The following FAT1 variants were observed in gnomAD, a reference collection of about 807,000 sequenced individuals.
FAT1 encodes protocadherin Fat 1.
FAT1 carries 171 observed loss-of-function variants against 329.8 expected under a neutral mutation model. That is an observed-to-expected ratio of 0.52 (90% CI 0.46 to 0.59). The LOEUF is 0.59. Among genes scored for constraint, FAT1 ranks in the 20% least tolerant of loss-of-function variants. The pLI is 0.00. For missense variants in FAT1, 5,672 were observed against 5,774.4 expected (o/e 0.98, Z 0.57); for synonymous variants, 2,233 against 2,228.6 (o/e 1.00, Z -0.06).
At chr4:186,636,329 G>T in intron 5 of FAT1, 94 bp from the exon 6 acceptor site, 1 of 1,174,778 alleles carries the variant, frequency 8.5e-7, no homozygotes, top group Non-Finnish European at 1.2e-6. Context: ...CTTAAACTGA[G>T]CCAATTTCAA....
At chr4:186,592,367 A>G (rs532672183) in intron 26 of FAT1, among the ~76,000 whole-genome samples, 17 of 152,340 alleles carry the variant, frequency 1.1e-4, no homozygotes, top group Non-Finnish European at 1.9e-4. Flanking sequence ...TTATTCCTGT[A>G]CATACGAAGA....
Position 186,636,746 on chromosome 4 carries a change from G to A in FAT1, c.3811C>T (p.Leu1271Phe), listed in dbSNP as rs1340060330. 4.3e-6 allele frequency: 7 copies of A among 1,613,788 alleles called. No individual in the cohort carries two copies. Among genetic ancestry groups the A allele is most frequent in the Non-Finnish European group, 5.9e-6 (7 of 1,179,876 alleles). The change falls in exon 5 of 27, where the codon CTC becomes TTC. Residue 1271 changes from leucine to phenylalanine, a missense_variant. Around this residue, in one of 2 missense-constraint regions of FAT1, gnomAD observed 3,966 missense variants for 3,915.2 expected, o/e 1.01. Coordinates refer to ENST00000441802, the MANE Select transcript of FAT1 (RefSeq NM_005245.4). ...DRERNARREP[L>F]YHVIATDKDE... ...TTGTCGGTGGCTATGACGTGATAGAGCGGCTCCCGTCTGGCATTTCTTTCT... is the reference window on the plus strand; with the variant it reads ...TTGTCGGTGGCTATGACGTGATAGAACGGCTCCCGTCTGGCATTTCTTTCT...
rs781077372 is a variant in FAT1, at chr4:186,708,984, C to T, written c.844G>A (p.Asp282Asn). The T allele has an allele frequency of 6.8e-6, 11 of 1,614,000 alleles. No individual in the cohort carries two copies. The highest frequency in any genetic ancestry group is 1.1e-5 in the South Asian group (1 of 91,080). ...AYAIVTVDDC[D>N]QGANGDIASL... ...GCTATGTCACCATTGGCACCCTGAT[C>T]GCAGTCATCCACTGTCACAATTGCA... The change falls in exon 2 of 27, where the codon GAT becomes AAT. Residue 282 changes from aspartate to asparagine, a missense_variant. Coordinates refer to ENST00000441802, the MANE Select transcript of FAT1 (RefSeq NM_005245.4).
chr4:186,717,722 G>A (rs375070990), intron 1 of FAT1, among the ~76,000 whole-genome samples: 2 of 152,290 alleles, frequency 1.3e-5, no homozygotes, highest in Non-Finnish European at 2.9e-5. Context: ...CGAAGATGAC[G>A]GGTTCTAGTT....
chr4:186,686,283 T>C (rs932534241), intron 2 of FAT1, among the ~76,000 whole-genome samples: 2 of 143,166 alleles, frequency 1.4e-5, no homozygotes, highest in African/African-American at 5.0e-5. Flanking sequence ...ATTTTTTTCC[T>C]GCATTCTTCC....
At chr4:186,711,685 A>G (rs1360653441) in intron 1 of FAT1, among the ~76,000 whole-genome samples, 2 of 152,182 alleles carry the variant, frequency 1.3e-5, no homozygotes, top group South Asian at 2.1e-4. Context: ...TGGGAGGCCA[A>G]TGCAGCCGGA....
rs756681251 is a variant in FAT1, at chr4:186,628,211, T to C, written c.4753A>G (p.Thr1585Ala). 6.2e-7 allele frequency: 1 copy of C among 1,613,934 alleles called. No homozygotes were observed. The highest frequency in any genetic ancestry group is 1.1e-5 in the South Asian group (1 of 91,080). ...AAVGSVVLQV[T>A]ALDKDKGKNA... is the part of the protein sequence containing the mutation. ...TTCCCTTTGTCCTTGTCCAGAGCCG[T>C]CACCTGCAACACAACTGAGCCAACG... The change falls in exon 9 of 27, where the codon ACG (threonine) becomes GCG (alanine). Residue 1585 changes from threonine to alanine, a missense_variant. Physicochemically the swap from Thr to Ala is moderately conservative, Grantham distance 58. This residue lies in a region of FAT1 where 3,966 missense variants were observed against 3,915.2 expected (regional missense o/e 1.01). Coordinates refer to ENST00000441802, the MANE Select transcript of FAT1 (RefSeq NM_005245.4).
chr4:186,666,694 A>G (rs1328750610), intron 2 of FAT1, among the ~76,000 whole-genome samples: 1 of 152,244 alleles, frequency 6.6e-6, no homozygotes. Flanking sequence ...AAACAGTGAT[A>G]ATTACAGAAA....
In FAT1 at chr4:186,603,791, T is replaced by A. The variant is rs2126433372; in HGVS notation, c.10735A>T (p.Thr3579Ser). The change falls in exon 19 of 27, where the codon ACC becomes TCC. Residue 3579 changes from threonine to serine, a missense_variant. Physicochemically the swap from Thr to Ser is moderately conservative, Grantham distance 58. Around this residue, in one of 2 missense-constraint regions of FAT1, gnomAD observed 1,706 missense variants for 1,859.1 expected, o/e 0.92. Coordinates refer to ENST00000441802, the MANE Select transcript of FAT1 (RefSeq NM_005245.4). Reference sequence around the variant, plus strand: ...TCCATCTGAGGGTCGAGACTGTAGGTTAGAGTATCATACACGTCCTGGTCT... The same window carrying A: ...TCCATCTGAGGGTCGAGACTGTAGGATAGAGTATCATACACGTCCTGGTCT... ...ATDQDVYDTL[T>S]YSLDPQMDNL... 2 of 1,613,896 alleles carry A rather than the reference T, an allele frequency of 1.2e-6. No homozygotes were observed. The highest frequency in any genetic ancestry group is 2.2e-5 in the South Asian group (2 of 91,064).
chr4:186,697,105 C>G (rs1744072458), intron 2 of FAT1, among the ~76,000 whole-genome samples: 2 of 152,090 alleles, frequency 1.3e-5, no homozygotes, highest in Admixed American at 1.3e-4. Flanking sequence ...CCTGAGTTTC[C>G]TGACAGATTG....
At chr4:186,611,365 C>T (rs2126466013) in intron 14 of FAT1, 21 bp downstream of exon 14, 3 of 1,577,758 alleles carry the variant, frequency 1.9e-6, no homozygotes, top group Middle Eastern at 1.7e-4. Flanking sequence ...AGGGTTTCCT[C>T]TCAGATACAT....
chr4:186,694,485 A>G (rs1044849871), intron 2 of FAT1, among the ~76,000 whole-genome samples: 7 of 152,244 alleles, frequency 4.6e-5, no homozygotes, highest in Non-Finnish European at 7.3e-5. Context: ...TGAGTTTTTA[A>G]AAAACTTTTA....
chr4:186,709,922 C>A, intron 1 of FAT1, 77 bp from the exon 2 acceptor site: 1 of 1,310,580 alleles, frequency 7.6e-7, no homozygotes, highest in South Asian at 1.6e-5. Context: ...TTAAACTTCT[C>A]ATTAAAAAAA....
At chr4:186,609,059 G>A (rs1177684901) in intron 16 of FAT1, 124 bp downstream of exon 16, 10 of 954,062 alleles carry the variant, frequency 1.0e-5, no homozygotes. Context: ...GTGTTTACAT[G>A]TTGCCGTCAG....
chr4:186,643,583 T>G (rs953152851), intron 3 of FAT1, among the ~76,000 whole-genome samples: 4 of 152,024 alleles, frequency 2.6e-5, no homozygotes, highest in African/African-American at 9.7e-5. Flanking sequence ...AAAACAGAAT[T>G]TCCTAATGAT....
chr4:186,617,135 T>G lies in FAT1; in HGVS notation c.8945A>C (p.Lys2982Thr), dbSNP rs1318963444. Reference protein sequence around the residue: ...IQNEWKVYVKKPLDREKRDNY... With the variant: ...IQNEWKVYVKTPLDREKRDNY... ...GTCCCTTTTTTCCCTGTCTAGAGGT[T>G]TCTTCACATATACCTTCCATTCATT... The change falls in exon 11 of 27, where the codon AAA becomes ACA. Residue 2982 changes from lysine (K) to threonine (T), a missense_variant. By Grantham distance (78) the Lys-to-Thr change is moderately conservative (BLOSUM62 -1). Coordinates refer to ENST00000441802, the MANE Select transcript of FAT1 (RefSeq NM_005245.4). The G allele has an allele frequency of 6.2e-7, 1 of 1,613,946 alleles. No individual in the cohort carries two copies. The highest frequency in any genetic ancestry group is 8.5e-7 in the Non-Finnish European group (1 of 1,179,822).
Position 186,636,021 on chromosome 4 carries a change from T to C in FAT1, c.4183+4A>G. On this transcript the variant is annotated splice_donor_region_variant and intron_variant, in intron 6 of 26. Coordinates refer to ENST00000441802, the MANE Select transcript of FAT1 (RefSeq NM_005245.4). ...GGACAACGAAAATGAGGGGGAATGCTTACCAGTGATGTCAAACCAAAGGGG... is the reference window on the plus strand; with the variant it reads ...GGACAACGAAAATGAGGGGGAATGCCTACCAGTGATGTCAAACCAAAGGGG... The C allele has an allele frequency of 6.2e-7, 1 of 1,613,736 alleles. No individual in the cohort carries two copies. The highest frequency in any genetic ancestry group is 8.5e-7 in the Non-Finnish European group (1 of 1,179,734).
chr4:186,594,852 C>A (rs1738426386), intron 26 of FAT1, among the ~76,000 whole-genome samples: 1 of 151,006 alleles, frequency 6.6e-6, no homozygotes, highest in East Asian at 2.0e-4. Context: ...GTTACCTTTT[C>A]CCACCAATAA....
In FAT1 at chr4:186,588,907, G is replaced by C. The variant is rs2126352305; in HGVS notation, c.13452C>G (p.Phe4484Leu). The C allele has an allele frequency of 6.2e-7, 1 of 1,613,980 alleles. No individual in the cohort carries two copies. The highest frequency in any genetic ancestry group is 8.5e-7 in the Non-Finnish European group (1 of 1,179,874). ...AATTGGGCAAATACTGATTCAAGTTGAACCTCTGCCGGTTTCTTGATGAAG... is the reference window on the plus strand; with the variant it reads ...AATTGGGCAAATACTGATTCAAGTTCAACCTCTGCCGGTTTCTTGATGAAG... ...LGSSSRNRQR[F>L]NLNQYLPNFY... Residue 4484 changes from phenylalanine (F) to leucine (L), a missense_variant, in exon 27 of 27, where the codon TTC becomes TTG. Phe to Leu is a conservative substitution (Grantham distance 22). Around this residue, in one of 2 missense-constraint regions of FAT1, gnomAD observed 1,706 missense variants for 1,859.1 expected, o/e 0.92. Transcript: ENST00000441802.
Sources: gnomAD v4.1 joint callset for allele counts (sites outside exome capture counted in the v4.1 genomes callset) on GRCh38, gnomAD v4.1.1 for gene constraint, gnomAD v4.1.1 regional missense constraint, MANE v1.5 for transcripts, NCBI Gene and HGNC (gene_info 2026-07-23, HGNC 2026-07-21) for gene names.